STT3B: variants seen among roughly 807,000 people sequenced by gnomAD.
STT3B encodes dolichyl-diphosphooligosaccharide--protein glycosyltransferase subunit STT3B.
A neutral mutation model predicts 96.8 loss-of-function variants in STT3B; 29 were observed. The observed-to-expected ratio is 0.30, with a 90% CI of 0.22 to 0.41. The LOEUF is 0.41. STT3B is among the 10% of genes least tolerant of loss of function. STT3B has a pLI of 1.00. For missense variants in STT3B, 640 were observed against 1,022.3 expected, an observed-to-expected ratio of 0.63 and a Z score of 5.10; for synonymous variants, 367 against 360.0, an observed-to-expected ratio of 1.02 and a Z score of -0.22.
intron 5 of STT3B, among the ~76,000 whole-genome samples, chr3:31,611,951 G>A (rs1189780336): frequency 6.6e-6 from 1 of 152,086 alleles, no homozygotes; most frequent in Non-Finnish European, 1.5e-5. Context: ...AATTCAAGCA[G>A]AGCAGTCAGT....
In STT3B at chr3:31,585,118, G is replaced by C. The variant is rs561341914; in HGVS notation, c.711+5022G>C. On this transcript the variant is annotated intron_variant, in intron 3 of 15. Transcript: ENST00000295770. ...TTAAAATTTAAAAGATAAGTACTTT[G>C]TCATAGCATTATTATTTGTTGATGC... 4.6e-5 allele frequency among the ~76,000 whole-genome samples: 7 copies of C among 152,138 alleles called. No homozygotes were observed. The East Asian group carries it at 1.4e-3, about 29-fold the overall frequency.
chr3:31,634,473 C>G (rs1191222760), intron 15 of STT3B, among the ~76,000 whole-genome samples: 1 of 152,206 alleles, frequency 6.6e-6, no homozygotes, highest in Non-Finnish European at 1.5e-5. Flanking sequence ...GTGCCCAAAA[C>G]ATATATTGTG....
At chr3:31,615,261 T>A in intron 6 of STT3B, 58 bp downstream of exon 6, 1 of 1,292,696 alleles carries the variant, frequency 7.7e-7, no homozygotes, top group East Asian at 2.4e-5. Flanking sequence ...TGATTGGCAG[T>A]CTTCCAAGAG....
At chr3:31,628,627 A>G (rs1489600721) in intron 13 of STT3B, among the ~76,000 whole-genome samples, 2 of 152,092 alleles carry the variant, frequency 1.3e-5, no homozygotes, top group Non-Finnish European at 2.9e-5. Flanking sequence ...TTATAAGTTA[A>G]CCCCATAAAA....
At chr3:31,628,664 G>T (rs746233022) in intron 13 of STT3B, among the ~76,000 whole-genome samples, 1 of 151,948 alleles carries the variant, frequency 6.6e-6, no homozygotes, top group South Asian at 2.1e-4. Context: ...TTTTAACATT[G>T]TCCTCCCCAA....
chr3:31,582,379 T>A (rs1389260184), intron 3 of STT3B, among the ~76,000 whole-genome samples: 2 of 149,072 alleles, frequency 1.3e-5, no homozygotes, highest in Non-Finnish European at 3.0e-5. Flanking sequence ...CGCTGCAACC[T>A]CTGCCTCCCA....
At chr3:31,608,381 G>T (rs1048038680) in intron 5 of STT3B, among the ~76,000 whole-genome samples, 1 of 151,956 alleles carries the variant, frequency 6.6e-6, no homozygotes, top group African/African-American at 2.4e-5. Flanking sequence ...CTTCTTTGCA[G>T]CTTTGCCAGT....
At chr3:31,589,192 G>A (rs1415598462) in intron 3 of STT3B, among the ~76,000 whole-genome samples, 2 of 152,110 alleles carry the variant, frequency 1.3e-5, no homozygotes, top group Admixed American at 6.6e-5. Context: ...TTGTGTGTGT[G>A]CTAATACGTA....
At position 31,582,952 on chromosome 3, in the gene STT3B, G is replaced by A. The variant is rs954455695; in HGVS notation, c.711+2856G>A. ...AAATTAATATTTGGCTTTAATCTGC[G>A]GCCCAACATATTGTCTGTCCTGGAA... is the stretch of plus-strand genomic sequence containing the variant. On this transcript the variant is annotated intron_variant, in intron 3 of 15. Transcript: ENST00000295770. 6.6e-5 allele frequency among the ~76,000 whole-genome samples: 10 copies of A among 152,152 alleles called. 1 individual carries two copies. Among genetic ancestry groups the A allele is most frequent in the South Asian group, 4.2e-4 (2 of 4,816 alleles).
intron 1 of STT3B, among the ~76,000 whole-genome samples, chr3:31,540,310 TTTA>T (rs1222179389): frequency 6.6e-6 from 1 of 152,056 alleles, no homozygotes; most frequent in Non-Finnish European, 1.5e-5. Context: ...ATTTTAAAAC[TTTA>T]TTCTTTTTTA....
At chr3:31,558,528 C>G (rs1242663948) in intron 1 of STT3B, among the ~76,000 whole-genome samples, 1 of 152,138 alleles carries the variant, frequency 6.6e-6, no homozygotes, top group African/African-American at 2.4e-5. Flanking sequence ...CCTTGCTTCC[C>G]TGGTATAAAC....
At chr3:31,580,476 A>G (rs1009352235) in intron 3 of STT3B, among the ~76,000 whole-genome samples, 4 of 152,160 alleles carry the variant, frequency 2.6e-5, no homozygotes, top group Admixed American at 6.6e-5. Context: ...CTGCCAGGCT[A>G]TTTAAACTTA....
chr3:31,616,214 T>C (rs931148478), intron 6 of STT3B, among the ~76,000 whole-genome samples: 5 of 152,038 alleles, frequency 3.3e-5, no homozygotes, highest in African/African-American at 1.2e-4. Flanking sequence ...ACTTAAGGCC[T>C]ATTTGTTCAT....
At chr3:31,616,558 T>A (rs1205842629) in intron 6 of STT3B, among the ~76,000 whole-genome samples, 1 of 151,866 alleles carries the variant, frequency 6.6e-6, no homozygotes, top group Non-Finnish European at 1.5e-5. Flanking sequence ...GCAAAACAAA[T>A]CGGAGAATTG....
At chr3:31,575,057 T>G (rs1698235553) in intron 1 of STT3B, among the ~76,000 whole-genome samples, 1 of 152,144 alleles carries the variant, frequency 6.6e-6, no homozygotes, top group Non-Finnish European at 1.5e-5. Context: ...TAAGTCTGTT[T>G]CATTAACTAT....
At position 31,624,927 on chromosome 3, in the gene STT3B, T is replaced by C; in HGVS notation, c.1741T>C (p.Leu581=). ...GATTCTTTTCAGCACCAGGAATATC[T>C]TAGATGATTTTAGAGAAGCTTACTT... The part of the protein sequence containing the change: ...SYNHDGTRNI[L]DDFREAYFWL... Residue 581 remains leucine (L), a synonymous_variant, in exon 12 of 16, where the codon TTA becomes CTA. Transcript: ENST00000295770. 1 of 1,612,466 alleles carries C rather than the reference T, an allele frequency of 6.2e-7. No individual in the cohort carries two copies. The highest frequency in any genetic ancestry group is 8.5e-7 in the Non-Finnish European group (1 of 1,179,024).
intron 13 of STT3B, among the ~76,000 whole-genome samples, chr3:31,626,556 TTCA>T (rs1699543236): frequency 6.6e-6 from 1 of 152,156 alleles, no homozygotes; most frequent in Admixed American, 6.5e-5. Flanking sequence ...CTCAAAAGAC[TTCA>T]ATAGATTAAG....
chr3:31,551,392 A>G (rs927237816), intron 1 of STT3B, among the ~76,000 whole-genome samples: 1 of 151,760 alleles, frequency 6.6e-6, no homozygotes, highest in African/African-American at 2.4e-5. Context: ...ATTTTGAAAA[A>G]TTTCTGGTAG....
intron 14 of STT3B, among the ~76,000 whole-genome samples, chr3:31,630,882 C>T (rs1033117059): frequency 6.7e-5 from 10 of 150,074 alleles, no homozygotes; most frequent in Admixed American, 6.0e-4. Context: ...CTGCAAGCTT[C>T]GCCTCCCAGG....
Sources: allele counts gnomAD v4.1 joint callset (sites outside exome capture counted in the v4.1 genomes callset), GRCh38; gene constraint gnomAD v4.1.1; transcripts MANE v1.5; gene names NCBI Gene and HGNC (gene_info 2026-07-23, HGNC 2026-07-21).